Variants in DAB1 observed in about 807,000 individuals in gnomAD.
DAB1 encodes the protein DAB adaptor protein 1, also known as disabled homolog 1.
DAB1 carries 15 observed loss-of-function variants against 64.6 expected under a neutral mutation model. The observed-to-expected ratio is 0.23, with a 90% confidence interval of 0.16 to 0.36. The LOEUF is 0.36. Among genes scored for constraint, DAB1 ranks in the 10% least tolerant of loss-of-function variants. The pLI, the probability that DAB1 is intolerant of heterozygous loss-of-function variation, is 1.00. For missense variants in DAB1, 596 were observed against 706.7 expected (o/e 0.84, Z 1.78); for synonymous variants, 235 against 251.9 (o/e 0.93, Z 0.64).
chr1:58,387,824 T>G (rs1352440294), intron 3 of DAB1, among the ~76,000 whole-genome samples: 1 of 150,882 alleles, frequency 6.6e-6, no homozygotes, highest in Non-Finnish European at 1.5e-5. Flanking sequence ...CCTCCCGGTT[T>G]TATGCCATTC....
chr1:57,148,532 A>G lies in DAB1; in HGVS notation c.68-3103T>C, dbSNP rs544915555. On this transcript the variant is annotated intron_variant, in intron 2 of 14. Transcript: ENST00000371236. ...TCTATCTGAGGCACATACAATATAA[A>G]GGTGTTGGGAATAGGATCAGTCTTC... Among the ~76,000 whole-genome samples the G allele has an allele frequency of 4.6e-5, 7 of 152,330 alleles. No homozygotes were observed. The East Asian group carries it at 1.4e-3, about 29-fold the overall frequency.
intron 5 of DAB1, among the ~76,000 whole-genome samples, chr1:57,897,713 T>A (rs1484881538): frequency 1.3e-5 from 2 of 152,120 alleles, no homozygotes; most frequent in Non-Finnish European, 2.9e-5. Context: ...AGAGTAGGCA[T>A]TTCTCACTCC....
rs529382774 is a variant in DAB1, at chr1:58,035,365, C to T, written n.387+115146G>A. ...TAAACAGTTTTTTGCTGTAAAGCCA[C>T]TAACTGTTAGGGCAATTTGTTACAC... On this transcript the variant is annotated intron_variant and non_coding_transcript_variant, in intron 5 of 20. Transcript: ENST00000485760. 5.9e-5 allele frequency among the ~76,000 whole-genome samples: 9 copies of T among 152,378 alleles called. No individual in the cohort carries two copies. In the South Asian group the frequency reaches 1.9e-3, roughly 32 times the overall value.
intron 4 of DAB1, among the ~76,000 whole-genome samples, chr1:58,244,504 A>G (rs1213353588): frequency 1.3e-5 from 2 of 152,224 alleles, no homozygotes; most frequent in Non-Finnish European, 2.9e-5. Context: ...TCCCTTAAAT[A>G]AAAGAGTTGG....
chr1:57,471,112 C>A (rs1687119080), intron 7 of DAB1, among the ~76,000 whole-genome samples: 1 of 152,190 alleles, frequency 6.6e-6, no homozygotes, highest in African/African-American at 2.4e-5. Flanking sequence ...ATCAAGGAAG[C>A]AGATCATCTT....
chr1:58,292,541 G>A (rs192964544), intron 4 of DAB1, among the ~76,000 whole-genome samples: 12 of 152,262 alleles, frequency 7.9e-5, no homozygotes, highest in Admixed American at 7.8e-4. Context: ...CTAGTGAGGA[G>A]CAGGGACAAG....
chr1:57,126,198 G>C (rs187920224), intron 4 of DAB1, among the ~76,000 whole-genome samples: 15 of 152,230 alleles, frequency 9.9e-5, no homozygotes, highest in Admixed American at 3.9e-4. Flanking sequence ...CTGATTATAG[G>C]ATCTAAAAAT....
chr1:57,821,186 G>A (rs537341356), downstream of DAB1, among the ~76,000 whole-genome samples: 56 of 151,832 alleles, frequency 3.7e-4, no homozygotes, highest in African/African-American at 1.3e-3. Context: ...ATGCACCATC[G>A]CCCCCAGAGA....
Position 58,202,621 on chromosome 1 carries a change from CAT to C in DAB1, n.310-52035_310-52034del, listed in dbSNP as rs539181044. Among the ~76,000 whole-genome samples the C allele has an allele frequency of 6.6e-5, 10 of 152,312 alleles. No homozygotes were observed. The South Asian group carries it at 1.2e-3, about 19-fold the overall frequency. On this transcript the variant is annotated intron_variant and non_coding_transcript_variant, in intron 4 of 20. Transcript: ENST00000485760. ...CTGTTTCACAAAGTTGTGAGAATCA[CAT>C]GAGTTAATGGACGTGAATGTGTTCT... is the stretch of plus-strand genomic sequence containing the variant.
At chr1:57,396,499 G>A (rs2101018135) in intron 1 of DAB1, among the ~76,000 whole-genome samples, 1 of 152,308 alleles carries the variant, frequency 6.6e-6, no homozygotes, top group South Asian at 2.1e-4. Context: ...AATTTGAATG[G>A]CTGACGGCAA....
At chr1:58,307,566 A>G (rs1662334848) in intron 4 of DAB1, among the ~76,000 whole-genome samples, 1 of 152,194 alleles carries the variant, frequency 6.6e-6, no homozygotes, top group South Asian at 2.1e-4. Context: ...ACTAGATTCC[A>G]GGTGGCACGC....
chr1:57,701,448 G>A (rs1317247260), intron 6 of DAB1, among the ~76,000 whole-genome samples: 25 of 151,968 alleles, frequency 1.6e-4, no homozygotes, highest in South Asian at 4.2e-4. Context: ...GCAAACTATC[G>A]CAAGGACAAA....
chr1:57,320,946 C>T (rs1675667161), intron 1 of DAB1, among the ~76,000 whole-genome samples: 1 of 152,182 alleles, frequency 6.6e-6, no homozygotes, highest in Non-Finnish European at 1.5e-5. Context: ...CTTCTTTTAA[C>T]TTCTACTTTT....
chr1:57,262,217 T>C (rs1266897686), intron 2 of DAB1, among the ~76,000 whole-genome samples: 1 of 152,210 alleles, frequency 6.6e-6, no homozygotes, highest in Admixed American at 6.5e-5. Flanking sequence ...CATTGTACCA[T>C]TAAGGAAGCT....
Position 58,279,039 on chromosome 1 carries a change from G to T in DAB1, n.309+64313C>A, listed in dbSNP as rs1263430529. Among the ~76,000 whole-genome samples the T allele has an allele frequency of 2.8e-4, 4 of 14,356 alleles. 2 individuals are homozygous for T. Among genetic ancestry groups the T allele is most frequent in the Non-Finnish European group, 6.3e-4 (4 of 6,362 alleles). The allele number at this position is 14,356 out of a possible 152,430, so 9.4% of individuals were successfully genotyped here. ...GAGCAGAGATCTTTGGAGGACAGCT[G>T]GCCATCTCTACCAAGGGTAACAAAA... On this transcript the variant is annotated intron_variant and non_coding_transcript_variant, in intron 4 of 20. Transcript: ENST00000485760.
At chr1:57,532,169 A>G (rs888296603) in intron 7 of DAB1, among the ~76,000 whole-genome samples, 22 of 152,102 alleles carry the variant, frequency 1.4e-4, no homozygotes, top group Admixed American at 5.9e-4. Flanking sequence ...ATCAGGTAAC[A>G]TTTCTCTTAG....
At chr1:58,282,140 G>C (rs769669573) in intron 4 of DAB1, among the ~76,000 whole-genome samples, 1 of 152,066 alleles carries the variant, frequency 6.6e-6, no homozygotes, top group Non-Finnish European at 1.5e-5. Context: ...ATAGATCCTA[G>C]GATTCCCACA....
At chr1:57,405,997 C>A (rs1558323697) in intron 1 of DAB1, among the ~76,000 whole-genome samples, 1 of 152,172 alleles carries the variant, frequency 6.6e-6, no homozygotes, top group Non-Finnish European at 1.5e-5. Flanking sequence ...CTGGGCAAAC[C>A]TTCCCTGCCT....
At chr1:57,764,400 C>T (rs958421893) in intron 6 of DAB1, among the ~76,000 whole-genome samples, 4 of 152,138 alleles carry the variant, frequency 2.6e-5, no homozygotes, top group African/African-American at 9.7e-5. Context: ...TTAGCATACC[C>T]ATCATCTCAA....
Sources: allele counts gnomAD v4.1 joint callset (sites outside exome capture counted in the v4.1 genomes callset), GRCh38; gene constraint gnomAD v4.1.1; transcripts MANE v1.5; gene names NCBI Gene and HGNC (gene_info 2026-07-23, HGNC 2026-07-21).